HCN2: variants seen among roughly 807,000 people sequenced by gnomAD.
The protein encoded by HCN2 is hyperpolarization activated cyclic nucleotide gated potassium and sodium channel 2.
Under a neutral mutation model 52.3 loss-of-function variants are expected in HCN2, and 20 were observed. That is an observed-to-expected ratio of 0.38 (90% CI 0.27 to 0.56). The LOEUF (loss-of-function observed/expected upper bound fraction) is 0.56, where lower values mean the gene tolerates loss of function less well. Ranked by LOEUF, HCN2 falls within the 20% of genes least tolerant of loss-of-function variation. The pLI, the probability that HCN2 is intolerant of heterozygous loss-of-function variation, is 0.71. For synonymous variants in HCN2, 694 were observed against 537.0 expected (o/e 1.29, Z -4.04); for missense variants, 981 against 1,207.7 (o/e 0.81, Z 2.78).
chr19:590,074 C>T lies in HCN2; in HGVS notation c.129C>T (p.Pro43=). 1.7e-6 allele frequency: 1 copy of T among 593,128 alleles called. No individual in the cohort carries two copies. The highest frequency in any genetic ancestry group is 2.1e-6 in the Non-Finnish European group (1 of 479,596). 36.7% of individuals were successfully genotyped at this position (593,128 alleles called of 1,614,324 possible). ...QQPPPPPPPA[P]PPGPGPAPPQ... The stretch of plus-strand genomic sequence containing the variant: ...CGCCGCCGCCGCCGCCGCCCGCGCC[C>T]CCCCCGGGCCCCGGGCCCGCGCCCC... Residue 43 remains proline, a synonymous_variant, in exon 1 of 8, where the codon CCC becomes CCT. Coordinates refer to ENST00000251287, the MANE Select transcript of HCN2 (RefSeq NM_001194.4). This position sits in a 1 kb window ranked among gnomAD's most constrained non-coding sequence, Gnocchi z 7.2.
At position 616,509 on chromosome 19, in the gene HCN2, G is replaced by T; in HGVS notation, c.*35G>T. 1 of 1,174,902 alleles carries T rather than the reference G, an allele frequency of 8.5e-7. No homozygotes were observed. The allele number at this position is 1,174,902 out of a possible 1,614,324, so 72.8% of individuals were successfully genotyped here. On this transcript the variant is annotated 3_prime_UTR_variant, in exon 8 of 8. Transcript: ENST00000251287. ...ACCGCCCCGCGGGCCCAGGCGGGCCGGGGGCGGGGCCGTCATCCAGACCAA... is the reference window on the plus strand; with the variant it reads ...ACCGCCCCGCGGGCCCAGGCGGGCCTGGGGCGGGGCCGTCATCCAGACCAA...
chr19:607,745 C>A (rs769710294), intron 3 of HCN2, among the ~76,000 whole-genome samples: 1 of 152,206 alleles, frequency 6.6e-6, no homozygotes, highest in Non-Finnish European at 1.5e-5. Context: ...AGGAGTGAAG[C>A]GGGCAGGTAG....
rs1204270624 is a variant in HCN2 at position 590,636 on chromosome 19, G to T, written c.632+59G>T. ...GGGCCCGGGGAGCCGGGCGCGCGGG[G>T]AGCCGTCCTTGGAGCGCCTGGGGAG... On this transcript the variant is annotated intron_variant, in intron 1 of 7. Transcript: ENST00000251287. This position sits in a 1 kb window ranked among gnomAD's most constrained non-coding sequence, Gnocchi z 7.2. 5 of 1,247,714 alleles carry T rather than the reference G, an allele frequency of 4.0e-6. No individual in the cohort carries two copies. The African/African-American group carries it at 6.3e-5, about 16-fold the overall frequency. 77.3% of individuals were successfully genotyped at this position (1,247,714 alleles called of 1,614,324 possible).
chr19:598,134 G>A (rs565048325), intron 1 of HCN2, among the ~76,000 whole-genome samples: 41 of 152,326 alleles, frequency 2.7e-4, no homozygotes, highest in African/African-American at 8.7e-4. Flanking sequence ...CAGCCCACTC[G>A]GTGCTGGGGC....
At position 590,096 on chromosome 19, in the gene HCN2, C is replaced by T. The variant is rs1982819851; in HGVS notation, c.151C>T (p.Pro51Ser). ...GCCCCCCCCGGGCCCCGGGCCCGCG[C>T]CCCCCCAGCACCCGCCCCGGGCCGA... ...PAPPPGPGPA[P>S]PQHPPRAEAL... Residue 51 changes from proline to serine, a missense_variant, in exon 1 of 8, where the codon CCC (proline) becomes TCC (serine). This residue lies in a region of HCN2 where 215 missense variants were observed against 179.4 expected (regional missense o/e 1.20). Transcript: ENST00000251287. This position sits in a 1 kb window ranked among gnomAD's most constrained non-coding sequence, Gnocchi z 7.2. The T allele has an allele frequency of 2.7e-6, 2 of 728,248 alleles. No homozygotes were observed. The highest frequency in any genetic ancestry group is 1.7e-6 in the Non-Finnish European group (1 of 601,198). 45.1% of individuals were successfully genotyped at this position (728,248 alleles called of 1,614,324 possible).
chr19:601,500 G>A (rs755886754), intron 1 of HCN2, among the ~76,000 whole-genome samples: 19 of 151,814 alleles, frequency 1.3e-4, no homozygotes, highest in Non-Finnish European at 2.5e-4. Context: ...TGCTACTGTG[G>A]ATCGAGCTGG....
rs767359298 is a variant in HCN2 at position 607,937 on chromosome 19, C to A, written c.1219-27C>A. 3 of 1,583,830 alleles carry A rather than the reference C, an allele frequency of 1.9e-6. No individual in the cohort carries two copies. In the South Asian group the frequency reaches 3.3e-5, roughly 18 times the overall value. ...CTCCTGGGGCGTGAGCACCTGCCCA[C>A]CACCGCCCCTCCTGCTGGCCTTGCA... On this transcript the variant is annotated intron_variant, in intron 3 of 7. Coordinates refer to ENST00000251287, the MANE Select transcript of HCN2 (RefSeq NM_001194.4).
At chr19:595,621 CATCCCAT>C (rs1292142203) in intron 1 of HCN2, among the ~76,000 whole-genome samples, 2 of 152,244 alleles carry the variant, frequency 1.3e-5, no homozygotes, top group Non-Finnish European at 2.9e-5. Flanking sequence ...CTGACAGGCC[CATCCCAT>C]GTGTCTGTCT....
intron 1 of HCN2, among the ~76,000 whole-genome samples, chr19:602,980 AC>A (rs1331142157): frequency 2.0e-5 from 1 of 50,984 alleles, no homozygotes; most frequent in South Asian, 8.0e-4. Context: ...AGCTGTGGGC[AC>A]CCTCGTCCCC....
At chr19:604,988 G>T (rs113541645) in intron 2 of HCN2, 73 bp from the exon 3 acceptor site, 443,411 of 1,463,680 alleles carry the variant, frequency 0.3, 70,086 homozygotes, top group Admixed American at 0.36. Context: ...CAGTGGGGGC[G>T]CACGGGGCTG....
Position 614,076 on chromosome 19 carries a change from G to GGGGTGGGT in HCN2, c.1990+61_1990+62insGGTGGGTG. 5 of 1,274,206 alleles carry GGGGTGGGT rather than the reference G, an allele frequency of 3.9e-6. No individual in the cohort carries two copies. The African/African-American group carries it at 6.4e-5, about 16-fold the overall frequency. 78.9% of individuals were successfully genotyped at this position (1,274,206 alleles called of 1,614,324 possible). A position where few individuals can be genotyped will look rare whatever the true frequency, so the allele number is the denominator to read the frequency against. On this transcript the variant is annotated intron_variant, in intron 7 of 7. Coordinates refer to ENST00000251287, the MANE Select transcript of HCN2 (RefSeq NM_001194.4). The stretch of plus-strand genomic sequence containing the variant: ...CCTGGCGGGGGAGGGGCGTGGCCAA[G>GGGGTGGGT]GCATCAGGAGAGTGGCTTGGACAGT...
At chr19:605,014 G>C (rs567496228) in intron 2 of HCN2, 47 bp from the exon 3 acceptor site, 2 of 1,584,290 alleles carry the variant, frequency 1.3e-6, no homozygotes, top group East Asian at 2.3e-5. Context: ...CTGAAGGTGG[G>C]GGCCGGGGGT....
chr19:598,829 C>T (rs1214619663), intron 1 of HCN2, among the ~76,000 whole-genome samples: 1 of 152,306 alleles, frequency 6.6e-6, no homozygotes, highest in Admixed American at 6.5e-5. Flanking sequence ...AGGATGGTCT[C>T]GATCTCTTGA....
intron 3 of HCN2, among the ~76,000 whole-genome samples, chr19:605,985 A>G (rs7255568): frequency 0.62 from 91,864 of 148,552 alleles, 29,412 homozygotes; most frequent in East Asian, 0.8. Context: ...GCCTGGGATC[A>G]TCCGTGGAGA....
intron 3 of HCN2, 107 bp downstream of exon 3, chr19:605,329 AGG>A (rs1983388116): frequency 1.1e-6 from 1 of 926,482 alleles, no homozygotes. Context: ...AGCCTTTCAG[AGG>A]TGGGGACCCA....
chr19:617,108 C>CA lies in HCN2; in HGVS notation c.*635dup. On this transcript the variant is annotated 3_prime_UTR_variant, in exon 8 of 8. Transcript: ENST00000251287. ...GCCCCCACCGTGGCCCCCCACGCCC[C>CA]ATTAACCCCCACACCCCCATTCCGC... 2 of 553,076 alleles carry CA rather than the reference C, an allele frequency of 3.6e-6. No homozygotes were observed. Among genetic ancestry groups the CA allele is most frequent in the East Asian group, 3.6e-5 (1 of 27,696 alleles). The allele number at this position is 553,076 out of a possible 1,614,324, so 34.3% of individuals were successfully genotyped here.
intron 5 of HCN2, 84 bp from the exon 6 acceptor site, chr19:613,164 A>G: frequency 2.0e-6 from 3 of 1,487,854 alleles, no homozygotes; most frequent in South Asian, 1.3e-5. Flanking sequence ...CTGGGGTCCG[A>G]GAGGTGAGCC....
At chr19:612,931 C>T (rs1414099057) in intron 5 of HCN2, among the ~76,000 whole-genome samples, 2 of 151,836 alleles carry the variant, frequency 1.3e-5, no homozygotes, top group South Asian at 2.1e-4. Flanking sequence ...CCTCCCGCCT[C>T]GGCCTCCGCA....
At chr19:597,019 T>C (rs1983051098) in intron 1 of HCN2, among the ~76,000 whole-genome samples, 1 of 152,182 alleles carries the variant, frequency 6.6e-6, no homozygotes, top group Non-Finnish European at 1.5e-5. Context: ...GGCGCCCTTC[T>C]TCCTTCTGAC....
Sources: allele counts gnomAD v4.1 joint callset (sites outside exome capture counted in the v4.1 genomes callset), GRCh38; gene constraint gnomAD v4.1.1; regional missense constraint gnomAD v4.1.1; non-coding constraint Gnocchi (gnomAD v3.1); transcripts MANE v1.5; gene names NCBI Gene and HGNC (gene_info 2026-07-23, HGNC 2026-07-21).